RMDN2: variants seen among roughly 807,000 people sequenced by gnomAD.
RMDN2 encodes the protein regulator of microtubule dynamics 2.
Under a neutral mutation model 52.8 loss-of-function variants are expected in RMDN2, and 61 were observed. The observed-to-expected ratio is 1.16, with a 90% CI of 0.94 to 1.43. The LOEUF is 1.43. RMDN2 is among the 40% of genes most tolerant of loss of function. The pLI, the probability that RMDN2 is intolerant of heterozygous loss-of-function variation, is 0.00. For missense variants in RMDN2, 592 were observed against 475.3 expected, an observed-to-expected ratio of 1.25 and a Z score of -2.28; for synonymous variants, 180 against 153.1, an observed-to-expected ratio of 1.18 and a Z score of -1.30.
intron 10 of RMDN2, among the ~76,000 whole-genome samples, chr2:38,012,936 C>T (rs1013845109): frequency 2.6e-5 from 4 of 152,154 alleles, no homozygotes; most frequent in African/African-American, 9.7e-5. Flanking sequence ...GTGGACATGT[C>T]TTCTGTCCCC....
At chr2:37,967,461 G>A (rs1165014866) in intron 2 of RMDN2, among the ~76,000 whole-genome samples, 1 of 152,170 alleles carries the variant, frequency 6.6e-6, no homozygotes, top group African/African-American at 2.4e-5. Context: ...GCGCCCAAGA[G>A]GTGAAAGTGG....
upstream of RMDN2, among the ~76,000 whole-genome samples, chr2:37,921,086 A>G (rs944726176): frequency 1.3e-5 from 2 of 152,214 alleles, no homozygotes; most frequent in Non-Finnish European, 2.9e-5. Context: ...TTGATTCAAC[A>G]TTGAACTGCT....
intron 2 of RMDN2, chr2:37,950,429 G>A: frequency 6.2e-7 from 1 of 1,607,564 alleles, no homozygotes; most frequent in Non-Finnish European, 8.5e-7. Context: ...AGAGTCTGCT[G>A]TCATCACATT....
intron 10 of RMDN2, chr2:38,027,248 C>G (rs1315500640): frequency 1.3e-5 from 2 of 152,214 alleles, no homozygotes; most frequent in Non-Finnish European, 2.9e-5. Flanking sequence ...GATGCTCTCT[C>G]AAAGCAGTAA....
chr2:37,960,960 G>A (rs536341872), intron 2 of RMDN2, among the ~76,000 whole-genome samples: 2 of 152,210 alleles, frequency 1.3e-5, no homozygotes, highest in African/African-American at 4.8e-5. Context: ...GCTTAGTTTG[G>A]CTCAATATGA....
chr2:37,981,341 G>A lies in RMDN2; in HGVS notation c.789G>A (p.Leu263=). ...NRAPMNGHCH[L]WYAVLCGYVS... ...CACCCATGAATGGACATTGTCATCT[G>A]TGGTAAGTGTATAGGATTTATGCAG... The change falls in exon 5 of 11, where the codon CTG becomes CTA. Residue 263 remains leucine (L), a splice_region_variant and synonymous_variant. Transcript: ENST00000354545. The A allele has an allele frequency of 6.3e-7, 1 of 1,596,862 alleles. No individual in the cohort carries two copies.
At chr2:37,948,728 C>T (rs139629973) in intron 2 of RMDN2, among the ~76,000 whole-genome samples, 2 of 152,094 alleles carry the variant, frequency 1.3e-5, no homozygotes, top group Non-Finnish European at 2.9e-5. Context: ...TTTCTGATGT[C>T]TGAGCAGATC....
At chr2:37,925,098 C>G (rs1572654079), upstream of RMDN2, among the ~76,000 whole-genome samples, 1 of 152,146 alleles carries the variant, frequency 6.6e-6, no homozygotes, top group Admixed American at 6.5e-5. Flanking sequence ...AGGTGCCGAC[C>G]GGCTTCGAAG....
intron 2 of RMDN2, among the ~76,000 whole-genome samples, chr2:37,962,192 A>G (rs544530434): frequency 9.2e-5 from 14 of 152,298 alleles, no homozygotes; most frequent in African/African-American, 2.9e-4. Context: ...TGAGGAGGCA[A>G]TCTGTCCCTT....
intron 5 of RMDN2, among the ~76,000 whole-genome samples, chr2:37,984,670 T>C (rs1673764786): frequency 6.6e-6 from 1 of 152,300 alleles, no homozygotes; most frequent in East Asian, 1.9e-4. Context: ...GGAGTTGTTT[T>C]AGTAGTTGTT....
intron 2 of RMDN2, among the ~76,000 whole-genome samples, chr2:37,973,623 T>G (rs1672080240): frequency 6.6e-6 from 1 of 152,078 alleles, no homozygotes; most frequent in Admixed American, 6.6e-5. Flanking sequence ...GATTGAGGTA[T>G]TAGAGTGGTC....
chr2:38,006,925 A>G (rs1677181948), intron 10 of RMDN2, among the ~76,000 whole-genome samples: 1 of 152,136 alleles, frequency 6.6e-6, no homozygotes, highest in South Asian at 2.1e-4. Context: ...GTGTTGTTGA[A>G]TTTTGTCAAA....
chr2:37,991,128 A>T, intron 6 of RMDN2, 92 bp from the exon 7 acceptor site: 1 of 558,426 alleles, frequency 1.8e-6, no homozygotes, highest in Non-Finnish European at 3.1e-6. Flanking sequence ...ACAATATTTT[A>T]AAACCACTTT....
At chr2:38,008,617 G>C (rs533176431) in intron 10 of RMDN2, among the ~76,000 whole-genome samples, 1 of 152,082 alleles carries the variant, frequency 6.6e-6, no homozygotes, top group African/African-American at 2.4e-5. Context: ...CGTGAGATGG[G>C]TTTCCTGAAT....
intron 5 of RMDN2, among the ~76,000 whole-genome samples, chr2:37,984,242 C>T (rs1283090023): frequency 1.3e-5 from 2 of 152,100 alleles, no homozygotes; most frequent in Non-Finnish European, 2.9e-5. Flanking sequence ...TTTTGTTCTA[C>T]TGACAAAAAA....
intron 4 of RMDN2, chr2:37,976,389 A>G (rs1404433143): frequency 1.3e-5 from 2 of 152,230 alleles, no homozygotes; most frequent in Non-Finnish European, 2.9e-5. Flanking sequence ...TTCTTCATTT[A>G]TTCCGAAGGC....
intron 2 of RMDN2, among the ~76,000 whole-genome samples, chr2:37,956,853 T>C (rs1669543610): frequency 6.6e-6 from 1 of 151,742 alleles, no homozygotes; most frequent in Non-Finnish European, 1.5e-5. Flanking sequence ...CCCCTCCCTA[T>C]GTCCATGTGT....
At chr2:37,984,200 G>A (rs1327058285) in intron 5 of RMDN2, among the ~76,000 whole-genome samples, 1 of 152,054 alleles carries the variant, frequency 6.6e-6, no homozygotes, top group Non-Finnish European at 1.5e-5. Context: ...GTAACTTTAA[G>A]GCTGTATATG....
At chr2:37,930,302 A>G (rs1296776678) in intron 2 of RMDN2, among the ~76,000 whole-genome samples, 3 of 152,260 alleles carry the variant, frequency 2.0e-5, no homozygotes, top group African/African-American at 7.2e-5. Context: ...TTGAGAGTAT[A>G]TAGGTGACTC....
Sources: allele counts gnomAD v4.1 joint callset (sites outside exome capture counted in the v4.1 genomes callset), GRCh38; gene constraint gnomAD v4.1.1; transcripts MANE v1.5; gene names NCBI Gene and HGNC (gene_info 2026-07-23, HGNC 2026-07-21).